JAK1: variants seen among roughly 807,000 people sequenced by gnomAD.
JAK1 encodes tyrosine-protein kinase JAK1.
Under a neutral mutation model 136.6 loss-of-function variants are expected in JAK1, and 16 were observed. The observed-to-expected ratio is 0.12, with a 90% CI of 0.08 to 0.18. JAK1 has a LOEUF of 0.18. Among genes scored for constraint, JAK1 ranks in the 10% least tolerant of loss-of-function variants. JAK1 has a pLI of 1.00. For synonymous variants in JAK1, 492 were observed against 519.5 expected (o/e 0.95, Z 0.72); for missense variants, 859 against 1,450.1 (o/e 0.59, Z 6.62).
chr1:64,886,249 A>G lies in JAK1; in HGVS notation c.6+10T>C, dbSNP rs751722423. The G allele has an allele frequency of 3.7e-5, 58 of 1,569,294 alleles. No individual in the cohort carries two copies. Among genetic ancestry groups the G allele is most frequent in the Middle Eastern group, 1.7e-4 (1 of 5,980 alleles). On this transcript the variant is annotated intron_variant, in intron 2 of 24. Transcript: ENST00000342505. The stretch of plus-strand genomic sequence containing the variant: ...ATTTTCCTTTTTTAAAAATATGCAA[A>G]TCTACATACCTGCATTTATTCAGCT...
chr1:65,017,481 T>C (rs1182143104), intron 2 of JAK1, among the ~76,000 whole-genome samples: 1 of 151,706 alleles, frequency 6.6e-6, no homozygotes, highest in Non-Finnish European at 1.5e-5. Context: ...AAAATAAAAA[T>C]AAAAATAAAT....
chr1:64,998,470 T>C (rs1646723250), intron 2 of JAK1, among the ~76,000 whole-genome samples: 1 of 152,222 alleles, frequency 6.6e-6, no homozygotes, highest in African/African-American at 2.4e-5. Flanking sequence ...TTTAGACTCA[T>C]TGAAAGTCTT....
At chr1:64,986,035 C>T (rs1472859164) in intron 2 of JAK1, 5 of 1,336,168 alleles carry the variant, frequency 3.7e-6, no homozygotes, top group South Asian at 2.3e-5. Flanking sequence ...TGGAAAGAGC[C>T]GATTGTAGCA....
chr1:64,839,565 CA>C (rs759344488), intron 20 of JAK1, 37 bp downstream of exon 20: 1 of 1,592,382 alleles, frequency 6.3e-7, no homozygotes, highest in African/African-American at 1.3e-5. Context: ...AGACAGTCAC[CA>C]AATCTTTAAA....
rs557303133 is a variant in JAK1, at chr1:64,912,611, A to T, written c.-77-26270T>A. Among the ~76,000 whole-genome samples, 9 of 152,332 alleles carry T rather than the reference A, an allele frequency of 5.9e-5. No individual in the cohort carries two copies. The South Asian group carries it at 1.9e-3, about 32-fold the overall frequency. On this transcript the variant is annotated intron_variant, in intron 1 of 24. Coordinates refer to ENST00000342505, the MANE Select transcript of JAK1 (RefSeq NM_002227.4). The stretch of plus-strand genomic sequence containing the variant: ...CTAACAATGCTAATCACTCTACATG[A>T]ATGATCTCAATTGCCACATTAACCC...
At chr1:64,838,301 C>T (rs1365160912) in intron 21 of JAK1, among the ~76,000 whole-genome samples, 164 bp downstream of exon 21, 3 of 152,068 alleles carry the variant, frequency 2.0e-5, no homozygotes, top group African/African-American at 4.8e-5. Context: ...TATTTAAATC[C>T]GTTTACTTTC....
At chr1:65,037,163 G>A (rs1162525679) in intron 2 of JAK1, among the ~76,000 whole-genome samples, 1 of 152,120 alleles carries the variant, frequency 6.6e-6, no homozygotes, top group Non-Finnish European at 1.5e-5. Flanking sequence ...TCCAGCCTGG[G>A]TGACAGAGCA....
rs546890510 is a variant in JAK1 at position 64,874,895 on chromosome 1, T to C, written c.330-1372A>G. ...TCTCAGGCATGTTTCTCGTACTCTG[T>C]GAGTTCCTGTCTCTGGGAGCAACCG... On this transcript the variant is annotated intron_variant, in intron 4 of 24. Transcript: ENST00000342505. Among the ~76,000 whole-genome samples the C allele has an allele frequency of 5.9e-5, 9 of 152,266 alleles. No individual in the cohort carries two copies. The South Asian group carries it at 1.7e-3, about 28-fold the overall frequency.
At chr1:64,915,475 GAAGA>G (rs1645378684) in intron 1 of JAK1, among the ~76,000 whole-genome samples, 1 of 152,212 alleles carries the variant, frequency 6.6e-6, no homozygotes, top group African/African-American at 2.4e-5. Flanking sequence ...TAACTGGGGT[GAAGA>G]AAGAGGGCCA....
At chr1:65,055,194 G>C (rs988413144) in intron 1 of JAK1, among the ~76,000 whole-genome samples, 2 of 151,944 alleles carry the variant, frequency 1.3e-5, no homozygotes. Context: ...GCAACCATCA[G>C]TTCCTGGCTG....
intron 17 of JAK1, among the ~76,000 whole-genome samples, chr1:64,842,614 G>A (rs1654977067): frequency 6.6e-6 from 1 of 152,186 alleles, no homozygotes; most frequent in South Asian, 2.1e-4. Flanking sequence ...TAGGTGGAGA[G>A]AGACCCCTAT....
Position 64,845,592 on chromosome 1 carries a change from A to G in JAK1, c.2036T>C (p.Met679Thr). 1 of 1,614,170 alleles carries G rather than the reference A, an allele frequency of 6.2e-7. No homozygotes were observed. The highest frequency in any genetic ancestry group is 8.5e-7 in the Non-Finnish European group (1 of 1,180,028). The change falls in exon 15 of 25, where the codon ATG (methionine) becomes ACG (threonine). Residue 679 changes from methionine to threonine, a missense_variant. Physicochemically the swap from Met to Thr is moderately conservative, Grantham distance 81. Transcript: ENST00000342505. Reference protein sequence around the residue: ...FVEGGPLDLFMHRKSDVLTTP... With the variant: ...FVEGGPLDLFTHRKSDVLTTP... The stretch of plus-strand genomic sequence containing the variant: ...GGTAAGGACATCGCTTTTCCGGTGC[A>G]TGAAGAGATCCAGAGGACCCCCTTC...
At chr1:64,889,463 G>C (rs1333433527) in intron 1 of JAK1, among the ~76,000 whole-genome samples, 2 of 152,146 alleles carry the variant, frequency 1.3e-5, no homozygotes, top group African/African-American at 2.4e-5. Flanking sequence ...TTTGGTGACA[G>C]AGGATTACTT....
At chr1:64,987,651 A>T (rs1646612751) in intron 2 of JAK1, 1 of 152,238 alleles carries the variant, frequency 6.6e-6, no homozygotes, top group Non-Finnish European at 1.5e-5. Context: ...AGGCAGGATG[A>T]TGCCTCTAAG....
At chr1:65,012,202 A>G (rs887172654) in intron 2 of JAK1, among the ~76,000 whole-genome samples, 8 of 152,218 alleles carry the variant, frequency 5.3e-5, no homozygotes, top group African/African-American at 1.9e-4. Flanking sequence ...AAAGAGGCCT[A>G]TAATGCTGGT....
chr1:64,869,740 G>A (rs761463190), intron 5 of JAK1, among the ~76,000 whole-genome samples: 2 of 152,166 alleles, frequency 1.3e-5, no homozygotes, highest in Non-Finnish European at 2.9e-5. Flanking sequence ...AAGTCCCTTC[G>A]CCATAGAAGT....
At chr1:65,006,770 T>A (rs557854400) in intron 2 of JAK1, among the ~76,000 whole-genome samples, 1 of 152,322 alleles carries the variant, frequency 6.6e-6, no homozygotes, top group East Asian at 1.9e-4. Flanking sequence ...ATTCACTGAA[T>A]TACGCCTTGT....
chr1:64,879,472 CCTAT>C (rs1182498969), intron 3 of JAK1, among the ~76,000 whole-genome samples: 2 of 152,108 alleles, frequency 1.3e-5, no homozygotes, highest in Admixed American at 1.3e-4. Context: ...CAAAAAAACC[CCTAT>C]CTGAGAGGTT....
In JAK1 at chr1:64,986,677, G is replaced by A. The variant is rs182375354; in HGVS notation, c.-78+57803C>T. Among the ~76,000 whole-genome samples, 13 of 152,230 alleles carry A rather than the reference G, an allele frequency of 8.5e-5. No individual in the cohort carries two copies. In the East Asian group the frequency reaches 2.5e-3, roughly 29 times the overall value. ...GAGGGCTGAGGCAAGAAGATCACTT[G>A]AGCCCAGGTGTTATTCAAGACCAGC... On this transcript the variant is annotated intron_variant, in intron 2 of 25. Coordinates refer to the JAK1 transcript ENST00000671954.
Sources: gnomAD v4.1 joint callset for allele counts (sites outside exome capture counted in the v4.1 genomes callset) on GRCh38, gnomAD v4.1.1 for gene constraint, MANE v1.5 for transcripts, NCBI Gene and HGNC (gene_info 2026-07-23, HGNC 2026-07-21) for gene names.